The following SLC25A13 variants were observed in gnomAD, a reference collection of about 807,000 sequenced individuals.
SLC25A13 encodes the protein electrogenic aspartate/glutamate antiporter SLC25A13, mitochondrial.
In SLC25A13, 70 loss-of-function variants were observed where a neutral mutation model predicts 85.5. That is an observed-to-expected ratio of 0.82 (90% CI 0.68 to 1.00). SLC25A13 has a LOEUF of 1.00. Among genes scored for constraint, SLC25A13 ranks in the 50% least tolerant of loss-of-function variants. The probability of loss-of-function intolerance (pLI) is 0.00; values close to 1 mark genes in which losing one functional copy is unlikely to be tolerated. For missense variants in SLC25A13, 765 were observed against 819.8 expected (o/e 0.93, Z 0.82); for synonymous variants, 259 against 288.7 (o/e 0.90, Z 1.04).
intron 3 of SLC25A13, among the ~76,000 whole-genome samples, chr7:96,271,912 G>A (rs545167381): frequency 6.6e-6 from 1 of 151,864 alleles, no homozygotes. Context: ...TTGAGACAGA[G>A]TCTTGCTCTG....
In SLC25A13 at chr7:96,309,581, G is replaced by T. The variant is rs1799878552; in HGVS notation, c.15+12361C>A. ...TTCCCCCTTTACTTTGCCATGTGTT[G>T]GCATGCCAAGTAAATGGACAATTCA... On this transcript the variant is annotated intron_variant, in intron 1 of 17. Coordinates refer to ENST00000265631, the MANE Select transcript of SLC25A13 (RefSeq NM_014251.3). 2.0e-5 allele frequency: 3 copies of T among 152,136 alleles called. 1 individual carries two copies. In the South Asian group the frequency reaches 6.2e-4, roughly 32 times the overall value. 9.4% of individuals were successfully genotyped at this position (152,136 alleles called of 1,614,324 possible).
Position 96,219,405 on chromosome 7 carries a change from C to T in SLC25A13, c.329-10428G>A, listed in dbSNP as rs149443240. Among the ~76,000 whole-genome samples, 399 of 152,254 alleles carry T rather than the reference C, an allele frequency of 2.6e-3. 2 individuals carry two copies. Among genetic ancestry groups the T allele is most frequent in the Non-Finnish European group, 3.7e-3 (254 of 68,012 alleles). ...AAATTAGGGCTAATTTAAAACTCTT[C>T]CAGTTCTGTACTTAGGGATGGAACT... On this transcript the variant is annotated intron_variant, in intron 4 of 17. Coordinates refer to ENST00000265631, the MANE Select transcript of SLC25A13 (RefSeq NM_014251.3).
rs542162212 is a variant in SLC25A13, at chr7:96,297,535, T to C, written c.16-584A>G. The stretch of plus-strand genomic sequence containing the variant: ...TTTTAGTAGAGATAGGGTTTCACCA[T>C]GTTGGCCAGGCTGGTCTCAAACTCC... On this transcript the variant is annotated intron_variant, in intron 1 of 17. Transcript: ENST00000265631. 2.6e-5 allele frequency among the ~76,000 whole-genome samples: 4 copies of C among 152,234 alleles called. No homozygotes were observed. In the South Asian group the frequency reaches 8.3e-4, roughly 32 times the overall value.
intron 1 of SLC25A13, among the ~76,000 whole-genome samples, chr7:96,307,787 G>A (rs1248021054): frequency 6.6e-6 from 1 of 152,084 alleles, no homozygotes; most frequent in Non-Finnish European, 1.5e-5. Context: ...TCTTCCTCCA[G>A]GATTCTCCAA....
Position 96,120,559 on chromosome 7 carries a change from A to G in SLC25A13, c.*632T>C. 1 of 454,554 alleles carries G rather than the reference A, an allele frequency of 2.2e-6. No homozygotes were observed. The highest frequency in any genetic ancestry group is 6.9e-4 in the Middle Eastern group (1 of 1,444). The allele number at this position is 454,554 out of a possible 1,614,324, so 28.2% of individuals were successfully genotyped here. A position where few individuals can be genotyped will look rare whatever the true frequency, so the allele number is the denominator to read the frequency against. On this transcript the variant is annotated 3_prime_UTR_variant, in exon 18 of 18. Transcript: ENST00000265631. ...AGTAAAATGCCAAAAGTACTTCCCT[A>G]AAGTACAAAGGCATTTCCCTAGTAG...
At chr7:96,321,866 C>G in intron 1 of SLC25A13, 76 bp downstream of exon 1, 1 of 1,466,330 alleles carries the variant, frequency 6.8e-7, no homozygotes, top group African/African-American at 1.5e-5. Flanking sequence ...AACCCAGACA[C>G]GTGAGCGCCC....
At chr7:96,303,273 C>T (rs1345049755) in intron 1 of SLC25A13, among the ~76,000 whole-genome samples, 1 of 152,054 alleles carries the variant, frequency 6.6e-6, no homozygotes, top group Non-Finnish European at 1.5e-5. Flanking sequence ...ATTCTACTAT[C>T]ATAAAGTAAA....
At chr7:96,172,877 G>A (rs565970963) in intron 11 of SLC25A13, among the ~76,000 whole-genome samples, 264 of 152,198 alleles carry the variant, frequency 1.7e-3, no homozygotes, top group African/African-American at 6.1e-3. Context: ...TCCTGCCTCA[G>A]CCTCCCGAGT....
intron 13 of SLC25A13, among the ~76,000 whole-genome samples, chr7:96,163,325 C>A (rs1369792245): frequency 6.6e-6 from 1 of 152,186 alleles, no homozygotes; most frequent in Non-Finnish European, 1.5e-5. Flanking sequence ...AGAAGTCAAG[C>A]AGGTGCTCTG....
chr7:96,248,273 T>G (rs919166071), intron 3 of SLC25A13, among the ~76,000 whole-genome samples: 2 of 152,164 alleles, frequency 1.3e-5, no homozygotes, highest in African/African-American at 4.8e-5. Flanking sequence ...CAAATGGCAC[T>G]ACTACCCGAA....
intron 2 of SLC25A13, among the ~76,000 whole-genome samples, chr7:96,282,461 G>T (rs1798725945): frequency 6.6e-6 from 1 of 152,134 alleles, no homozygotes; most frequent in African/African-American, 2.4e-5. Context: ...CACTGAGAAG[G>T]TGCACACAAC....
At chr7:96,255,529 T>C in intron 3 of SLC25A13, among the ~76,000 whole-genome samples, 1 of 151,968 alleles carries the variant, frequency 6.6e-6, no homozygotes, top group Non-Finnish European at 1.5e-5. Flanking sequence ...TTACAAAAAA[T>C]TTAAAAATTT....
chr7:96,122,089 T>G, intron 15 of SLC25A13, 92 bp from the exon 16 acceptor site: 3 of 1,542,232 alleles, frequency 1.9e-6, no homozygotes, highest in Non-Finnish European at 2.7e-6. Context: ...GGAAAGAAAG[T>G]TAAAAATCCG....
intron 2 of SLC25A13, among the ~76,000 whole-genome samples, chr7:96,280,546 T>G (rs1798635241): frequency 6.6e-6 from 1 of 152,012 alleles, no homozygotes; most frequent in African/African-American, 2.4e-5. Flanking sequence ...CGGAACTCCA[T>G]CTCTACAAAA....
chr7:96,170,953 C>G (rs1793970775), intron 12 of SLC25A13, among the ~76,000 whole-genome samples: 3 of 152,292 alleles, frequency 2.0e-5, no homozygotes, highest in African/African-American at 7.2e-5. Flanking sequence ...GAACCCAGAT[C>G]CCTGCACATT....
At chr7:96,232,577 T>C (rs1362585891) in intron 4 of SLC25A13, among the ~76,000 whole-genome samples, 1 of 147,778 alleles carries the variant, frequency 6.8e-6, no homozygotes, top group Non-Finnish European at 1.5e-5. Flanking sequence ...CCTGCACATG[T>C]ACCCCTGAAC....
rs768057337 is a variant in SLC25A13 at position 96,296,974 on chromosome 7, T to C, written c.16-23A>G. The C allele has an allele frequency of 3.4e-5, 55 of 1,596,864 alleles. 1 individual carries two copies. The South Asian group carries it at 5.5e-4, about 16-fold the overall frequency. On this transcript the variant is annotated intron_variant, in intron 1 of 17. Coordinates refer to ENST00000265631, the MANE Select transcript of SLC25A13 (RefSeq NM_014251.3). ...CACCTATAAATAAACATAAAAATGT[T>C]TATGTTATTACAACAAAGCTGAGAA...
intron 5 of SLC25A13, among the ~76,000 whole-genome samples, chr7:96,207,077 A>C (rs543501933): frequency 9.2e-5 from 14 of 152,188 alleles, no homozygotes; most frequent in Non-Finnish European, 1.9e-4. Flanking sequence ...CCGGCAACTC[A>C]CATTACATTC....
intron 14 of SLC25A13, among the ~76,000 whole-genome samples, chr7:96,134,477 C>G (rs2116437750): frequency 6.6e-6 from 1 of 152,124 alleles, no homozygotes; most frequent in East Asian, 1.9e-4. Context: ...ATTAACCTGT[C>G]TTATGCTATG....
Sources: gnomAD v4.1 joint callset for allele counts (sites outside exome capture counted in the v4.1 genomes callset) on GRCh38, gnomAD v4.1.1 for gene constraint, MANE v1.5 for transcripts, NCBI Gene and HGNC (gene_info 2026-07-23, HGNC 2026-07-21) for gene names.